The following TEX15 variants were observed in gnomAD, a reference collection of about 807,000 sequenced individuals.
TEX15 encodes the protein testis-expressed protein 15.
Under a neutral mutation model 237.3 loss-of-function variants are expected in TEX15, and 171 were observed. That is an observed-to-expected ratio of 0.72 (90% CI 0.64 to 0.82). The LOEUF is 0.82. Among genes scored for constraint, TEX15 ranks in the 40% least tolerant of loss-of-function variants. The probability of loss-of-function intolerance (pLI) is 0.00; values close to 1 mark genes in which losing one functional copy is unlikely to be tolerated. For synonymous variants in TEX15, 1,338 were observed against 1,269.8 expected (o/e 1.05, Z -1.14); for missense variants, 3,750 against 3,646.5 (o/e 1.03, Z -0.73).
intron 2 of TEX15, among the ~76,000 whole-genome samples, chr8:30,892,479 A>G (rs1808813998): frequency 6.6e-6 from 1 of 152,146 alleles, no homozygotes; most frequent in African/African-American, 2.4e-5. Flanking sequence ...AATTAGGCCT[A>G]TCTAACAATA....
chr8:30,854,044 A>G (rs1446179036), intron 7 of TEX15, among the ~76,000 whole-genome samples: 1 of 152,042 alleles, frequency 6.6e-6, no homozygotes, highest in Admixed American at 6.5e-5. Flanking sequence ...TATATTAACA[A>G]AGAAGAAATA....
intron 7 of TEX15, among the ~76,000 whole-genome samples, chr8:30,850,672 C>A: frequency 6.6e-6 from 1 of 151,108 alleles, no homozygotes; most frequent in East Asian, 1.9e-4. Context: ...ACACCTACAC[C>A]AAAATAAAAT....
In TEX15 at chr8:30,853,144, G is replaced by A. The variant is rs769586864; in HGVS notation, c.851-3828C>T. Among the ~76,000 whole-genome samples the A allele has an allele frequency of 4.6e-5, 7 of 152,314 alleles. No individual in the cohort carries two copies. The South Asian group carries it at 8.3e-4, about 18-fold the overall frequency. On this transcript the variant is annotated intron_variant, in intron 7 of 10. Coordinates refer to ENST00000643185, the MANE Select transcript of TEX15 (RefSeq NM_001350162.2). The stretch of plus-strand genomic sequence containing the variant: ...AAAGCAATAAGCTATAATACATTGC[G>A]GATGGGCTGCAGTAGAAGTAGGGAA...
At chr8:30,867,193 G>A (rs532721201) in intron 5 of TEX15, 72 bp downstream of exon 5, 119 of 560,746 alleles carry the variant, frequency 2.1e-4, no homozygotes, top group African/African-American at 8.6e-4. Flanking sequence ...AATTTATATC[G>A]AAAGGATAAT....
chr8:30,885,013 GTTTTCC>G (rs1808614357), intron 3 of TEX15, among the ~76,000 whole-genome samples: 5 of 151,906 alleles, frequency 3.3e-5, no homozygotes, highest in Admixed American at 3.3e-4. Flanking sequence ...TACAAATTTT[GTTTTCC>G]TTTTCATTTA....
At chr8:30,871,695 T>A (rs770440848) in intron 4 of TEX15, among the ~76,000 whole-genome samples, 1 of 152,058 alleles carries the variant, frequency 6.6e-6, no homozygotes, top group Non-Finnish European at 1.5e-5. Context: ...TCAAAAACGC[T>A]CATTCACACA....
intron 2 of TEX15, among the ~76,000 whole-genome samples, chr8:30,892,255 T>G (rs1433010100): frequency 6.6e-6 from 1 of 152,224 alleles, no homozygotes; most frequent in East Asian, 1.9e-4. Flanking sequence ...ACCTTTCTTA[T>G]TCCTATTTAT....
At chr8:30,841,932 A>T in intron 8 of TEX15, 72 bp downstream of exon 8, 1 of 1,073,960 alleles carries the variant, frequency 9.3e-7, no homozygotes, top group Non-Finnish European at 1.3e-6. Flanking sequence ...TCTGCAAACT[A>T]CTTGTTTGCT....
intron 5 of TEX15, among the ~76,000 whole-genome samples, chr8:30,862,857 C>T (rs1291901013): frequency 1.2e-4 from 19 of 152,052 alleles, no homozygotes. Flanking sequence ...TGGATGCCTG[C>T]GATTCTGCTA....
intron 1 of TEX15, among the ~76,000 whole-genome samples, chr8:30,906,653 C>G (rs1274043034): frequency 6.6e-6 from 1 of 151,044 alleles, no homozygotes; most frequent in Non-Finnish European, 1.5e-5. Context: ...TGTATTTGTA[C>G]CTTGGATAAG....
At chr8:30,903,346 C>T (rs1178231617) in intron 1 of TEX15, among the ~76,000 whole-genome samples, 1 of 152,190 alleles carries the variant, frequency 6.6e-6, no homozygotes, top group Non-Finnish European at 1.5e-5. Context: ...TGCTTTTCAT[C>T]ACGGGGAAAA....
rs773417912 is a variant in TEX15 at position 30,848,748 on chromosome 8, T to C, written c.1419A>G (p.Pro473=). The change falls in exon 8 of 11, where the codon CCA becomes CCG. Residue 473 remains proline, a synonymous_variant. Transcript: ENST00000643185. The stretch of plus-strand genomic sequence containing the variant: ...CTTCTGAGGAGGAGGCAGAATTAGA[T>C]GGTGTCGATTTTATTTCTGAATTAA... ...DNVNSEIKST[P]SNSASSSEVV... is the part of the protein sequence containing the mutation. The C allele has an allele frequency of 3.1e-6, 5 of 1,614,158 alleles. No homozygotes were observed. The South Asian group carries it at 4.4e-5, about 14-fold the overall frequency.
intron 3 of TEX15, among the ~76,000 whole-genome samples, chr8:30,878,722 G>T (rs1005432696): frequency 3.9e-5 from 6 of 152,060 alleles, no homozygotes; most frequent in Non-Finnish European, 7.4e-5. Flanking sequence ...ATTGGGTCTT[G>T]CTATGTTGCT....
chr8:30,870,415 A>G (rs1161070805), intron 4 of TEX15, among the ~76,000 whole-genome samples: 2 of 152,024 alleles, frequency 1.3e-5, no homozygotes, highest in Non-Finnish European at 2.9e-5. Context: ...TATAGTAGGT[A>G]ATTTTTTGTG....
intron 1 of TEX15, among the ~76,000 whole-genome samples, chr8:30,910,556 C>T (rs1328977576): frequency 6.6e-6 from 1 of 151,670 alleles, no homozygotes; most frequent in African/African-American, 2.4e-5. Flanking sequence ...GCAATCTTCC[C>T]ATTTTAGCAT....
chr8:30,846,924 A>C lies in TEX15; in HGVS notation c.3243T>G (p.His1081Gln). The C allele has an allele frequency of 6.2e-7, 1 of 1,613,652 alleles. No homozygotes were observed. The highest frequency in any genetic ancestry group is 8.5e-7 in the Non-Finnish European group (1 of 1,179,658). ...CAAATTCTTCACAAAGCATGTTTTC[A>C]TGGCTATGTGTATCTTGTTGAAATA... is the stretch of plus-strand genomic sequence containing the variant. Reference protein sequence around the residue: ...AFIFQQDTHSHENMLCEEFVT... With the variant: ...AFIFQQDTHSQENMLCEEFVT... The change falls in exon 8 of 11, where the codon CAT (histidine) becomes CAG (glutamine). Residue 1081 changes from histidine (H) to glutamine (Q), a missense_variant. By Grantham distance (24) the His-to-Gln change is conservative. Coordinates refer to ENST00000643185, the MANE Select transcript of TEX15 (RefSeq NM_001350162.2).
At position 30,847,932 on chromosome 8, in the gene TEX15, T is replaced by C. The variant is rs779196430; in HGVS notation, c.2235A>G (p.Leu745=). ...TTATTTTCCCCAATTTCAGTTCCAT[T>C]AGCTTTTGAGCAATGGCTAAACTTG... ...IHTSLAIAQK[L]MELKLGKINQ... Residue 745 remains leucine, a synonymous_variant, in exon 8 of 11, where the codon CTA becomes CTG. Coordinates refer to ENST00000643185, the MANE Select transcript of TEX15 (RefSeq NM_001350162.2). 118 of 1,613,922 alleles carry C rather than the reference T, an allele frequency of 7.3e-5. No individual in the cohort carries two copies. Among genetic ancestry groups the C allele is most frequent in the Middle Eastern group, 1.6e-4 (1 of 6,084 alleles).
Position 30,907,465 on chromosome 8 carries a change from C to T in TEX15, c.-86+5414G>A, listed in dbSNP as rs905529440. Among the ~76,000 whole-genome samples, 1,209 of 145,780 alleles carry T rather than the reference C, an allele frequency of 8.3e-3. 15 individuals are homozygous for T. The highest frequency in any genetic ancestry group is 0.029 in the African/African-American group (1,146 of 40,070). ...ATACAATGTATATATAAATTATATA[C>T]AAAATGTATATATAAATTATATATA... On this transcript the variant is annotated intron_variant, in intron 1 of 10. Coordinates refer to ENST00000643185, the MANE Select transcript of TEX15 (RefSeq NM_001350162.2).
intron 1 of TEX15, among the ~76,000 whole-genome samples, chr8:30,910,610 CTTTT>C (rs796129316): frequency 3.1e-5 from 3 of 97,908 alleles, no homozygotes; most frequent in African/African-American, 9.3e-5. Context: ...CACGCCTGGC[CTTTT>C]TTTTTTTTTT....
Sources: allele counts gnomAD v4.1 joint callset (sites outside exome capture counted in the v4.1 genomes callset), GRCh38; gene constraint gnomAD v4.1.1; transcripts MANE v1.5; gene names NCBI Gene and HGNC (gene_info 2026-07-23, HGNC 2026-07-21).